Variants in TENM1 observed in about 807,000 individuals in gnomAD.
The protein encoded by TENM1 is teneurin-1.
TENM1 carries 35 observed loss-of-function variants against 174.8 expected under a neutral mutation model. The observed-to-expected ratio is 0.20, with a 90% CI of 0.15 to 0.27. The LOEUF (loss-of-function observed/expected upper bound fraction) is 0.27. TENM1 is among the 10% of genes least tolerant of loss of function. The pLI is 1.00. For missense variants in TENM1, 1,633 were observed against 2,130.1 expected (o/e 0.77, Z 4.59); for synonymous variants, 781 against 798.7 (o/e 0.98, Z 0.37).
the TENM1 span, among the ~76,000 whole-genome samples, chrX:125,142,709 C>T: frequency 9.0e-6 from 1 of 111,561 alleles, no homozygotes; most frequent in Non-Finnish European, 1.9e-5. Context: ...CATCCTGGTA[C>T]AGCTAAAACC....
intron 19 of TENM1, among the ~76,000 whole-genome samples, chrX:124,497,789 C>T (rs1335452501): frequency 8.9e-6 from 1 of 112,145 alleles, no homozygotes; most frequent in Non-Finnish European, 1.9e-5. Flanking sequence ...CTAGAATGCA[C>T]TTCAAAGAAA....
chrX:124,762,629 TAC>T (rs1219875127), intron 3 of TENM1, among the ~76,000 whole-genome samples: 2 of 111,774 alleles, frequency 1.8e-5, no homozygotes, highest in Non-Finnish European at 3.8e-5. Flanking sequence ...AGCTCTCTTA[TAC>T]ACAGAGAGGT....
chrX:124,409,957 T>C (rs200335316), intron 25 of TENM1, among the ~76,000 whole-genome samples: 2 of 109,492 alleles, frequency 1.8e-5, no homozygotes, highest in Non-Finnish European at 3.8e-5. Flanking sequence ...AGGTAATTTA[T>C]AGATTCAATG....
intron 23 of TENM1, among the ~76,000 whole-genome samples, chrX:124,439,350 T>C (rs751296532): frequency 2.7e-5 from 3 of 112,387 alleles, no homozygotes; most frequent in African/African-American, 9.7e-5. Flanking sequence ...TAGAGGATGA[T>C]CTAACATCTT....
intron 14 of TENM1, among the ~76,000 whole-genome samples, 190 bp downstream of exon 17, chrX:124,561,481 C>A (rs2048817912): frequency 9.0e-6 from 1 of 111,046 alleles, no homozygotes; most frequent in East Asian, 2.8e-4. Context: ...TGGAGTACTG[C>A]CTGGTCATAG....
chrX:125,060,176 C>CTT, the TENM1 span, among the ~76,000 whole-genome samples: 2 of 82,700 alleles, frequency 2.4e-5, no homozygotes, highest in Non-Finnish European at 4.2e-5. Context: ...CTCTCTCTCT[C>CTT]TCTCTCACAC....
intron 3 of TENM1, among the ~76,000 whole-genome samples, chrX:124,841,044 G>A (rs751884792): frequency 1.3e-4 from 15 of 111,655 alleles, no homozygotes; most frequent in African/African-American, 4.5e-4. Flanking sequence ...TAGTTGCCAT[G>A]GAAAAGATAT....
the TENM1 span, among the ~76,000 whole-genome samples, chrX:125,140,231 A>T: frequency 8.9e-6 from 1 of 111,991 alleles, no homozygotes; most frequent in African/African-American, 3.2e-5. Context: ...ACTAATCCAA[A>T]ATTTTAATGA....
At chrX:124,597,167 C>G (rs1046454605) in intron 11 of TENM1, among the ~76,000 whole-genome samples, 6 of 111,322 alleles carry the variant, frequency 5.4e-5, no homozygotes, top group Non-Finnish European at 1.9e-5. Flanking sequence ...CAATCCCACT[C>G]CTGGATATCT....
At chrX:125,097,052 T>C in the TENM1 span, among the ~76,000 whole-genome samples, 1 of 110,973 alleles carries the variant, frequency 9.0e-6, no homozygotes, top group Non-Finnish European at 1.9e-5. Context: ...TGAGCTGCCA[T>C]GTAACAGTGC....
the TENM1 span, among the ~76,000 whole-genome samples, chrX:125,104,559 G>C: frequency 9.0e-6 from 1 of 111,178 alleles, no homozygotes; most frequent in Non-Finnish European, 1.9e-5. Context: ...ATTAATAAGA[G>C]CTTCTCTCAT....
At chrX:124,582,836 T>C (rs984904400) in intron 11 of TENM1, among the ~76,000 whole-genome samples, 1 of 112,249 alleles carries the variant, frequency 8.9e-6, no homozygotes, top group African/African-American at 3.2e-5. Flanking sequence ...ACCCTAATAC[T>C]GTGCTTTTCT....
intron 18 of TENM1, among the ~76,000 whole-genome samples, chrX:124,507,982 G>A (rs916125963): frequency 8.9e-6 from 1 of 111,994 alleles, no homozygotes; most frequent in African/African-American, 3.2e-5. Context: ...ATTACAAGAT[G>A]AAAATCTTCT....
chrX:124,646,891 A>G, intron 8 of TENM1, 81 bp from the exon 12 acceptor site: 2 of 668,577 alleles, frequency 3.0e-6, no homozygotes, highest in Non-Finnish European at 4.4e-6. Flanking sequence ...AGTTGCAGGA[A>G]CTCTGGACCT....
chrX:124,582,558 T>C (rs1176843177), intron 11 of TENM1, among the ~76,000 whole-genome samples: 1 of 111,966 alleles, frequency 8.9e-6, no homozygotes, highest in Non-Finnish European at 1.9e-5. Flanking sequence ...ATAGAAATGC[T>C]ACTTATTGAG....
chrX:124,714,301 A>G (rs1361339460), intron 4 of TENM1, among the ~76,000 whole-genome samples: 1 of 112,092 alleles, frequency 8.9e-6, no homozygotes, highest in African/African-American at 3.2e-5. Flanking sequence ...ACAAATGCCT[A>G]TCTTATTTAT....
chrX:125,194,479 GTCTT>G, the TENM1 span, among the ~76,000 whole-genome samples: 3 of 111,309 alleles, frequency 2.7e-5, no homozygotes, highest in Non-Finnish European at 5.7e-5. Context: ...TACTGGTGAT[GTCTT>G]TCTAACACAA....
chrX:124,569,949 C>T (rs1009069463), intron 11 of TENM1, among the ~76,000 whole-genome samples: 6 of 110,993 alleles, frequency 5.4e-5, no homozygotes, highest in Admixed American at 9.6e-5. Context: ...TTGGCTCAGA[C>T]CAATAAAATT....
chrX:125,204,258 G>GT, the TENM1 span: 31 of 112,308 alleles, frequency 2.8e-4, no homozygotes, highest in African/African-American at 8.7e-4. Flanking sequence ...GGTGCTGGGC[G>GT]TCTGCTCGGC....
Sources: allele counts gnomAD v4.1 joint callset (sites outside exome capture counted in the v4.1 genomes callset), GRCh38; gene constraint gnomAD v4.1.1; transcripts MANE v1.5; gene names NCBI Gene and HGNC (gene_info 2026-07-23, HGNC 2026-07-21).